CELF2: variants seen among roughly 807,000 people sequenced by gnomAD.
CELF2 encodes the protein CUG triplet repeat RNA-binding protein 2.
CELF2 carries 8 observed loss-of-function variants against 62.6 expected under a neutral mutation model. The ratio of observed to expected loss-of-function variants is 0.13; its 90% CI spans 0.07 to 0.23. The LOEUF (loss-of-function observed/expected upper bound fraction) is 0.23, where lower values mean the gene tolerates loss of function less well. Ranked by LOEUF, CELF2 falls within the 10% of genes least tolerant of loss-of-function variation. CELF2 has a pLI of 1.00. For missense variants in CELF2, 333 were observed against 671.0 expected (o/e 0.50, Z 5.56); for synonymous variants, 258 against 250.0 (o/e 1.03, Z -0.30).
intron 1 of CELF2, among the ~76,000 whole-genome samples, chr10:10,903,152 A>G (rs191030466): frequency 2.6e-5 from 4 of 152,286 alleles, no homozygotes; most frequent in East Asian, 3.9e-4. Context: ...CTGACTGTGT[A>G]TATCAGCTAA....
At chr10:10,925,051 G>A (rs2065332834) in intron 2 of CELF2, 1 of 152,190 alleles carries the variant, frequency 6.6e-6, no homozygotes, top group Non-Finnish European at 1.5e-5. Context: ...AGATCAGGTA[G>A]CAATAGGCAG....
chr10:11,015,911 G>A (rs188079503), upstream of CELF2, among the ~76,000 whole-genome samples: 119 of 151,820 alleles, frequency 7.8e-4, 2 homozygotes, highest in Non-Finnish European at 1.5e-3. This position sits in a 1 kb window ranked among gnomAD's most constrained non-coding sequence, Gnocchi z 4.8. Flanking sequence ...AATGAAACAT[G>A]TTCTACCTTA....
intron 1 of CELF2, among the ~76,000 whole-genome samples, chr10:11,134,324 A>G (rs1347399320): frequency 6.6e-6 from 1 of 152,170 alleles, no homozygotes; most frequent in African/African-American, 2.4e-5. Context: ...TGGATTCTGT[A>G]GTTGCGCATC....
chr10:11,200,070 T>A (rs1250621964), intron 2 of CELF2, among the ~76,000 whole-genome samples: 1 of 152,224 alleles, frequency 6.6e-6, no homozygotes, highest in Non-Finnish European at 1.5e-5. Flanking sequence ...TGGTTGAGAA[T>A]GTATGATGTG....
chr10:10,494,349 G>A, the CELF2 span, among the ~76,000 whole-genome samples: 1 of 152,160 alleles, frequency 6.6e-6, no homozygotes, highest in African/African-American at 2.4e-5. Context: ...CTTTTAGTAG[G>A]CTTTGTTACT....
chr10:11,101,983 T>C (rs1023216065), intron 1 of CELF2: 2 of 151,942 alleles, frequency 1.3e-5, no homozygotes, highest in Non-Finnish European at 2.9e-5. Flanking sequence ...TGTAAAAATG[T>C]GTTTTTAAGG....
chr10:10,872,965 A>C (rs1450014438), intron 1 of CELF2, among the ~76,000 whole-genome samples: 1 of 152,130 alleles, frequency 6.6e-6, no homozygotes. Context: ...TTGGTGGTTA[A>C]AATAAAACAT....
the CELF2 span, among the ~76,000 whole-genome samples, chr10:10,549,211 T>C: frequency 6.6e-6 from 1 of 152,146 alleles, no homozygotes; most frequent in Admixed American, 6.5e-5. Flanking sequence ...GCTTAAACCA[T>C]AGAGATTAAT....
the CELF2 span, among the ~76,000 whole-genome samples, chr10:10,661,956 C>G: frequency 1.1e-4 from 16 of 152,240 alleles, no homozygotes; most frequent in East Asian, 2.7e-3. Flanking sequence ...TTGAGGACAG[C>G]CCTGCTCCAG....
the CELF2 span, among the ~76,000 whole-genome samples, chr10:10,775,763 G>A: frequency 7.9e-5 from 12 of 152,180 alleles, no homozygotes; most frequent in Non-Finnish European, 1.8e-4. Context: ...GTGATTTATG[G>A]TAATAAAAAC....
At position 11,292,103 on chromosome 10, in the gene CELF2, A is replaced by C. The variant is rs562927300; in HGVS notation, c.976+3551A>C. The stretch of plus-strand genomic sequence containing the variant: ...AAGGCATTCTAAAATGCTAGGAAGC[A>C]TTTTTTCATTCCCACCATTGACCCT... On this transcript the variant is annotated intron_variant, in intron 9 of 12. Coordinates refer to ENST00000633077, the MANE Select transcript of CELF2 (RefSeq NM_001326342.2). Among the ~76,000 whole-genome samples the C allele has an allele frequency of 2.6e-5, 4 of 152,214 alleles. No individual in the cohort carries two copies. The South Asian group carries it at 8.3e-4, about 32-fold the overall frequency.
intron 2 of CELF2, among the ~76,000 whole-genome samples, chr10:11,197,025 A>AG (rs1554936317): frequency 0.058 from 1,519 of 26,132 alleles, 368 homozygotes; most frequent in Admixed American, 0.17. Context: ...AGAAAGAAAG[A>AG]AAAGAAAGAA....
the CELF2 span, among the ~76,000 whole-genome samples, chr10:10,537,879 G>A: frequency 2.0e-5 from 3 of 152,228 alleles, no homozygotes; most frequent in South Asian, 6.2e-4. Context: ...GAACCTGCAA[G>A]TAGGCTTGGA....
rs373143426 is a variant in CELF2, at chr10:10,937,121, C to CTT, written c.89+17143_89+17144dup. Among the ~76,000 whole-genome samples, 353 of 90,206 alleles carry CTT rather than the reference C, an allele frequency of 3.9e-3. 9 individuals carry two copies. The highest frequency in any genetic ancestry group is 0.013 in the African/African-American group (258 of 19,408). The allele number at this position is 90,206 out of a possible 152,430, so 59.2% of individuals were successfully genotyped here. ...CTTTCTTCTTTTTTGTTTTTCTTTT[C>CTT]TTTTTTTTTTTTTTTTTTTTTTCGT... On this transcript the variant is annotated intron_variant, in intron 2 of 13. Transcript: ENST00000636488.
At chr10:11,249,472 A>G (rs1428492384) in intron 4 of CELF2, among the ~76,000 whole-genome samples, 2 of 152,058 alleles carry the variant, frequency 1.3e-5, no homozygotes, top group Non-Finnish European at 2.9e-5. Flanking sequence ...CTTGCCCTGT[A>G]TAGGGACCCT....
chr10:10,973,306 A>G (rs2050961530), intron 2 of CELF2, among the ~76,000 whole-genome samples: 1 of 151,822 alleles, frequency 6.6e-6, no homozygotes, highest in African/African-American at 2.4e-5. Context: ...AAAACAAAAA[A>G]AGCAGAGGGC....
At chr10:11,202,212 A>G (rs1588951930) in intron 2 of CELF2, among the ~76,000 whole-genome samples, 1 of 152,230 alleles carries the variant, frequency 6.6e-6, no homozygotes, top group African/African-American at 2.4e-5. Context: ...AGGTCAGCGT[A>G]TAAGATTGAC....
chr10:11,326,728 C>T (rs1435136763), intron 12 of CELF2, among the ~76,000 whole-genome samples: 1 of 152,192 alleles, frequency 6.6e-6, no homozygotes, highest in Non-Finnish European at 1.5e-5. Flanking sequence ...AGTTTACAGG[C>T]CAGGATGTTC....
At chr10:11,059,909 C>G (rs148132086) in intron 1 of CELF2, among the ~76,000 whole-genome samples, 3 of 152,352 alleles carry the variant, frequency 2.0e-5, no homozygotes, top group East Asian at 3.9e-4. Context: ...TAGGTTTCAA[C>G]TTTCACACGC....
Sources: gnomAD v4.1 joint callset for allele counts (sites outside exome capture counted in the v4.1 genomes callset) on GRCh38, gnomAD v4.1.1 for gene constraint, Gnocchi (gnomAD v3.1) non-coding constraint, MANE v1.5 for transcripts, NCBI Gene and HGNC (gene_info 2026-07-23, HGNC 2026-07-21) for gene names.